RALYL: variants seen among roughly 807,000 people sequenced by gnomAD.
RALYL encodes the protein RNA-binding Raly-like protein.
Under a neutral mutation model 35.1 loss-of-function variants are expected in RALYL, and 29 were observed. The ratio of observed to expected loss-of-function variants is 0.83; its 90% CI spans 0.61 to 1.13. The LOEUF is 1.13. Ranked by LOEUF, RALYL falls within the 50% of genes most tolerant of loss-of-function variation. The pLI is 0.00. For synonymous variants in RALYL, 120 were observed against 127.6 expected (o/e 0.94, Z 0.40); for missense variants, 359 against 360.4 (o/e 1.00, Z 0.03).
At chr8:84,657,529 A>G (rs1224293142) in intron 2 of RALYL, among the ~76,000 whole-genome samples, 1 of 152,218 alleles carries the variant, frequency 6.6e-6, no homozygotes, top group African/African-American at 2.4e-5. Context: ...GGGGCTTTCT[A>G]GATATACGTT....
At chr8:84,769,320 C>A (rs1814858634) in intron 2 of RALYL, among the ~76,000 whole-genome samples, 1 of 152,106 alleles carries the variant, frequency 6.6e-6, no homozygotes, top group African/African-American at 2.4e-5. Flanking sequence ...TACTCAGAAC[C>A]CTAAATTACA....
chr8:84,580,002 C>T (rs749715661), intron 2 of RALYL, among the ~76,000 whole-genome samples: 2 of 152,058 alleles, frequency 1.3e-5, no homozygotes, highest in Non-Finnish European at 2.9e-5. Context: ...AATATCACTT[C>T]AATGGTTAAT....
In RALYL at chr8:84,807,456, G is replaced by A. The variant is rs541858900; in HGVS notation, c.365+2654G>A. ...GTTGGTTCTATGATTTTGCAATTGC[G>A]AATTCTGCTGCTATAAACATGCATG... On this transcript the variant is annotated intron_variant, in intron 4 of 8. Coordinates refer to ENST00000521268, the MANE Select transcript of RALYL (RefSeq NM_173848.7). 6.2e-4 allele frequency among the ~76,000 whole-genome samples: 94 copies of A among 152,236 alleles called. No individual in the cohort carries two copies. The Middle Eastern group carries it at 0.01, about 17-fold the overall frequency.
intron 1 of RALYL, among the ~76,000 whole-genome samples, chr8:84,384,225 A>G (rs772451934): frequency 5.9e-5 from 9 of 151,712 alleles, no homozygotes; most frequent in Non-Finnish European, 1.3e-4. Flanking sequence ...CACTTGCCCT[A>G]CCCAGCTCAC....
chr8:84,446,491 C>T (rs1421981233), intron 1 of RALYL, among the ~76,000 whole-genome samples: 1 of 152,044 alleles, frequency 6.6e-6, no homozygotes, highest in Non-Finnish European at 1.5e-5. Flanking sequence ...TGGATTTAAT[C>T]TTTGCTGTCT....
chr8:84,199,803 T>C (rs143209456), intron 1 of RALYL, among the ~76,000 whole-genome samples: 1 of 152,320 alleles, frequency 6.6e-6, no homozygotes, highest in African/African-American at 2.4e-5. Flanking sequence ...ATGCGTTCAC[T>C]CTAGGTGTGT....
intron 1 of RALYL, among the ~76,000 whole-genome samples, chr8:84,263,788 A>G (rs913694189): frequency 2.6e-5 from 4 of 151,902 alleles, no homozygotes; most frequent in African/African-American, 9.7e-5. Context: ...CAACAGGCCC[A>G]AGTGTGGGTT....
intron 1 of RALYL, among the ~76,000 whole-genome samples, chr8:84,402,943 G>A (rs1451884002): frequency 1.3e-5 from 2 of 152,044 alleles, no homozygotes; most frequent in Non-Finnish European, 2.9e-5. Context: ...GTGTCTTTTG[G>A]CTGCATAAAT....
At chr8:84,812,121 G>T (rs1826040068) in intron 4 of RALYL, among the ~76,000 whole-genome samples, 1 of 152,082 alleles carries the variant, frequency 6.6e-6, no homozygotes, top group South Asian at 2.1e-4. Context: ...CTTTCATTTG[G>T]GTAGGCGCTG....
At chr8:84,879,871 C>A (rs949999815) in intron 7 of RALYL, among the ~76,000 whole-genome samples, 5 of 151,652 alleles carry the variant, frequency 3.3e-5, no homozygotes, top group Non-Finnish European at 7.4e-5. Flanking sequence ...GGCAAGATTG[C>A]CCTGGACACT....
chr8:84,419,681 T>G (rs1247415760), intron 1 of RALYL, among the ~76,000 whole-genome samples: 2 of 143,458 alleles, frequency 1.4e-5, no homozygotes, highest in Non-Finnish European at 3.0e-5. Context: ...TATCTCCCAA[T>G]GCTGTCCCTC....
At chr8:84,511,929 A>T (rs1047664280) in intron 1 of RALYL, among the ~76,000 whole-genome samples, 2 of 152,062 alleles carry the variant, frequency 1.3e-5, no homozygotes, top group Non-Finnish European at 2.9e-5. Flanking sequence ...CATTTCCTTT[A>T]TCCATTCATC....
At chr8:84,599,032 G>A (rs1455012289) in intron 2 of RALYL, among the ~76,000 whole-genome samples, 1 of 152,062 alleles carries the variant, frequency 6.6e-6, no homozygotes, top group Non-Finnish European at 1.5e-5. Context: ...TAGTGATGCG[G>A]AACATTCAAT....
intron 3 of RALYL, among the ~76,000 whole-genome samples, chr8:84,801,464 T>G (rs1823251181): frequency 6.6e-6 from 1 of 152,212 alleles, no homozygotes; most frequent in Admixed American, 6.5e-5. Context: ...AAGTTCAGTT[T>G]TTTTTAATTG....
chr8:84,197,253 T>A (rs1178685127), intron 1 of RALYL, among the ~76,000 whole-genome samples: 1 of 152,140 alleles, frequency 6.6e-6, no homozygotes, highest in Non-Finnish European at 1.5e-5. Context: ...ATGTGGAAAA[T>A]CAAGAGGCTT....
At chr8:84,462,109 A>G (rs1563971348) in intron 1 of RALYL, among the ~76,000 whole-genome samples, 1 of 151,472 alleles carries the variant, frequency 6.6e-6, no homozygotes, top group Non-Finnish European at 1.5e-5. Flanking sequence ...TTTTGGTGTA[A>G]TCAGTTTTTT....
Position 84,293,181 on chromosome 8 carries a change from A to T in RALYL, c.-24+108757A>T, listed in dbSNP as rs889542615. Reference sequence around the variant, plus strand: ...TAAAACTCAAAGCAGAGAATAACTAAATACCAACAGACTGAGCAATAGGGG... The same window carrying T: ...TAAAACTCAAAGCAGAGAATAACTATATACCAACAGACTGAGCAATAGGGG... On this transcript the variant is annotated intron_variant, in intron 1 of 8. Coordinates refer to ENST00000521268, the MANE Select transcript of RALYL (RefSeq NM_173848.7). Among the ~76,000 whole-genome samples, 21 of 152,172 alleles carry T rather than the reference A, an allele frequency of 1.4e-4. 1 individual carries two copies. Among genetic ancestry groups the T allele is most frequent in the African/African-American group, 5.1e-4 (21 of 41,450 alleles).
At chr8:84,198,107 A>G (rs1563516248) in intron 1 of RALYL, among the ~76,000 whole-genome samples, 2 of 152,162 alleles carry the variant, frequency 1.3e-5, no homozygotes, top group Admixed American at 1.3e-4. Context: ...TAGAAACTGA[A>G]AAGAAAAGAT....
chr8:84,655,673 C>T (rs1048031775), intron 2 of RALYL, among the ~76,000 whole-genome samples: 6 of 148,984 alleles, frequency 4.0e-5, no homozygotes, highest in Non-Finnish European at 8.9e-5. Context: ...TCCTTATATT[C>T]TGATGATAAT....
Sources: gnomAD v4.1 joint callset for allele counts (sites outside exome capture counted in the v4.1 genomes callset) on GRCh38, gnomAD v4.1.1 for gene constraint, MANE v1.5 for transcripts, NCBI Gene and HGNC (gene_info 2026-07-23, HGNC 2026-07-21) for gene names.